Variants in APCDD1 observed in about 807,000 individuals in gnomAD.
APCDD1 encodes the protein protein APCDD1.
In APCDD1, 15 loss-of-function variants were observed where a neutral mutation model predicts 38.1. The ratio of observed to expected loss-of-function variants is 0.39; its 90% CI spans 0.26 to 0.61. The LOEUF (loss-of-function observed/expected upper bound fraction) is 0.61. Ranked by LOEUF, APCDD1 falls within the 20% of genes least tolerant of loss-of-function variation. The pLI, the probability that APCDD1 is intolerant of heterozygous loss-of-function variation, is 0.49. For synonymous variants in APCDD1, 261 were observed against 279.7 expected, an observed-to-expected ratio of 0.93 and a Z score of 0.67; for missense variants, 647 against 696.2, an observed-to-expected ratio of 0.93 and a Z score of 0.79.
Position 10,471,432 on chromosome 18 carries a change from A to T in APCDD1, c.243-98A>T. ...CAACAGAGTCTGGCCCATCGTCAGC[A>T]CTTTATTATTATTTCTGTAATTTCT... is the stretch of plus-strand genomic sequence containing the variant. On this transcript the variant is annotated intron_variant, in intron 2 of 4. Coordinates refer to ENST00000355285, the MANE Select transcript of APCDD1 (RefSeq NM_153000.5). This position sits in a 1 kb window ranked among gnomAD's most constrained non-coding sequence, Gnocchi z 5.5. 6.7e-7 allele frequency: 1 copy of T among 1,495,614 alleles called. No homozygotes were observed. Among genetic ancestry groups the T allele is most frequent in the Non-Finnish European group, 9.2e-7 (1 of 1,087,060 alleles). 92.6% of individuals were successfully genotyped at this position (1,495,614 alleles called of 1,614,324 possible).
chr18:10,458,820 A>G (rs759125773), intron 1 of APCDD1, among the ~76,000 whole-genome samples: 40 of 152,330 alleles, frequency 2.6e-4, no homozygotes, highest in Non-Finnish European at 5.3e-4. Context: ...ACAGCAAGGC[A>G]TGTCTTCAGT....
intron 3 of APCDD1, among the ~76,000 whole-genome samples, chr18:10,474,502 T>C (rs2030944385): frequency 1.3e-5 from 2 of 152,206 alleles, no homozygotes; most frequent in Admixed American, 1.3e-4. Context: ...TGGGCGGGCG[T>C]GGGCCGGGCT....
Position 10,472,201 on chromosome 18 carries a change from G to A in APCDD1, c.774+140G>A, listed in dbSNP as rs942055422. 24 of 1,203,912 alleles carry A rather than the reference G, an allele frequency of 2.0e-5. No homozygotes were observed. The highest frequency in any genetic ancestry group is 1.7e-4 in the East Asian group (7 of 40,688). 74.6% of individuals were successfully genotyped at this position (1,203,912 alleles called of 1,614,324 possible). On this transcript the variant is annotated intron_variant, in intron 3 of 4. Coordinates refer to ENST00000355285, the MANE Select transcript of APCDD1 (RefSeq NM_153000.5). This position sits in a 1 kb window ranked among gnomAD's most constrained non-coding sequence, Gnocchi z 6.6. ...GGGCAGGCCAAGGTGGGGCTGCTGC[G>A]AGGTGGGAGGAGATGGGAAAGGCTG...
At chr18:10,479,491 G>C (rs753851195) in intron 3 of APCDD1, among the ~76,000 whole-genome samples, 78 of 152,212 alleles carry the variant, frequency 5.1e-4, no homozygotes, top group Admixed American at 3.4e-3. Flanking sequence ...AACAGTGGCA[G>C]GGAACAGAGA....
At chr18:10,478,937 T>A (rs1046155627) in intron 3 of APCDD1, among the ~76,000 whole-genome samples, 3 of 152,206 alleles carry the variant, frequency 2.0e-5, no homozygotes, top group Non-Finnish European at 2.9e-5. Context: ...TCATTTGTGA[T>A]GAATGCTAGC....
chr18:10,489,438 C>A lies in APCDD1; in HGVS notation c.*1400C>A, dbSNP rs75620328. ...AACTTTGGCCAGGTGTGATGGCTCA[C>A]GCCGTAACCCCAGCACTTTGGGAGA... On this transcript the variant is annotated 3_prime_UTR_variant, in exon 5 of 5. Coordinates refer to ENST00000355285, the MANE Select transcript of APCDD1 (RefSeq NM_153000.5). 0.044 allele frequency: 6,663 copies of A among 152,284 alleles called. 241 individuals carry two copies. Among genetic ancestry groups the A allele is most frequent in the Non-Finnish European group, 0.066 (4,477 of 68,076 alleles). The allele number at this position is 152,284 out of a possible 1,614,324, so 9.4% of individuals were successfully genotyped here.
At position 10,470,099 on chromosome 18, in the gene APCDD1, C is replaced by T. The variant is rs185935716; in HGVS notation, c.243-1431C>T. On this transcript the variant is annotated intron_variant, in intron 2 of 4. Transcript: ENST00000355285. This position sits in a 1 kb window ranked among gnomAD's most constrained non-coding sequence, Gnocchi z 4.1. ...GATTTGGGGGTGACCAGTTAAAAGA[C>T]CTTTGCAGCCGTTCTGGTTAGAGAG... Among the ~76,000 whole-genome samples the T allele has an allele frequency of 2.4e-4, 36 of 152,306 alleles. No homozygotes were observed. Among genetic ancestry groups the T allele is most frequent in the Admixed American group, 1.5e-3 (23 of 15,300 alleles).
chr18:10,468,978 GT>G (rs1172896870), intron 2 of APCDD1, among the ~76,000 whole-genome samples: 1 of 152,214 alleles, frequency 6.6e-6, no homozygotes, highest in Non-Finnish European at 1.5e-5. Context: ...AAGAGACTGT[GT>G]TTCACCAAGC....
At chr18:10,486,565 C>T (rs960298996) in intron 4 of APCDD1, among the ~76,000 whole-genome samples, 3 of 152,152 alleles carry the variant, frequency 2.0e-5, no homozygotes, top group African/African-American at 7.2e-5. Flanking sequence ...AGGTTGTCAC[C>T]TGCTTGGAGG....
intron 3 of APCDD1, among the ~76,000 whole-genome samples, chr18:10,473,595 C>G (rs760426660): frequency 1.3e-5 from 2 of 152,148 alleles, no homozygotes; most frequent in Non-Finnish European, 2.9e-5. Context: ...GAAAGGAGAC[C>G]AAAACTCTGC....
chr18:10,472,145 C>A lies in APCDD1; in HGVS notation c.774+84C>A, dbSNP rs1166153532. 3.7e-5 allele frequency: 59 copies of A among 1,576,710 alleles called. No individual in the cohort carries two copies. The highest frequency in any genetic ancestry group is 5.0e-5 in the Non-Finnish European group (58 of 1,152,826). ...GGCTTGCCATGGGGGCTCTAGGGCA[C>A]CCTTGAAAGGGGGAATTCTGCATCA... On this transcript the variant is annotated intron_variant, in intron 3 of 4. Coordinates refer to ENST00000355285, the MANE Select transcript of APCDD1 (RefSeq NM_153000.5). This position sits in a 1 kb window ranked among gnomAD's most constrained non-coding sequence, Gnocchi z 6.6.
rs1422254079 is a variant in APCDD1, at chr18:10,467,143, A to G, written c.59-1326A>G. Among the ~76,000 whole-genome samples, 1 of 152,232 alleles carries G rather than the reference A, an allele frequency of 6.6e-6. No homozygotes were observed. The highest frequency in any genetic ancestry group is 1.5e-5 in the Non-Finnish European group (1 of 68,048). On this transcript the variant is annotated intron_variant, in intron 1 of 4. Coordinates refer to ENST00000355285, the MANE Select transcript of APCDD1 (RefSeq NM_153000.5). The surrounding 1 kb of genome is among the most constrained non-coding windows in gnomAD (Gnocchi z 4.8). ...GATGGTAAATATCTGAATATTTAAC[A>G]GATATCTGAAGTTACCATCCTGCAG... is the stretch of plus-strand genomic sequence containing the variant.
chr18:10,473,066 A>G (rs2030902690), intron 3 of APCDD1, among the ~76,000 whole-genome samples: 1 of 152,148 alleles, frequency 6.6e-6, no homozygotes, highest in Non-Finnish European at 1.5e-5. Context: ...TGGCTCTGTA[A>G]CTGTGGAGCC....
chr18:10,462,900 T>C (rs1039588868), intron 1 of APCDD1, among the ~76,000 whole-genome samples: 111 of 142,890 alleles, frequency 7.8e-4, no homozygotes, highest in African/African-American at 3.2e-3. Context: ...GCTTTCAATC[T>C]GTCCCCCATG....
intron 3 of APCDD1, chr18:10,474,181 C>G (rs2030934613): frequency 6.6e-6 from 1 of 152,284 alleles, no homozygotes. Flanking sequence ...GCCTTGGCCT[C>G]CCAAAGTGCT....
chr18:10,475,554 G>A lies in APCDD1; in HGVS notation c.774+3493G>A, dbSNP rs2030970509. Reference sequence around the variant, plus strand: ...AATGACTGCCTCAGAGGAAGTGACAGAGTTGTCTATCTGGGATTGTCGGAC... The same window carrying A: ...AATGACTGCCTCAGAGGAAGTGACAAAGTTGTCTATCTGGGATTGTCGGAC... On this transcript the variant is annotated intron_variant, in intron 3 of 4. Coordinates refer to ENST00000355285, the MANE Select transcript of APCDD1 (RefSeq NM_153000.5). The surrounding 1 kb of genome is among the most constrained non-coding windows in gnomAD (Gnocchi z 4.0). 6.6e-6 allele frequency among the ~76,000 whole-genome samples: 1 copy of A among 152,182 alleles called. No homozygotes were observed. Among genetic ancestry groups the A allele is most frequent in the Admixed American group, 6.5e-5 (1 of 15,290 alleles).
In APCDD1 at chr18:10,454,657, G is replaced by A; in HGVS notation, c.-325G>A. ...TATGAAGAGACGCTGCAGCTGCGGT[G>A]GCGGTGGCGGCCACTGCAGCTCAGA... On this transcript the variant is annotated 5_prime_UTR_variant, in exon 1 of 5. Coordinates refer to ENST00000355285, the MANE Select transcript of APCDD1 (RefSeq NM_153000.5). 9.6e-7 allele frequency: 1 copy of A among 1,036,294 alleles called. No homozygotes were observed. Among genetic ancestry groups the A allele is most frequent in the Non-Finnish European group, 1.2e-6 (1 of 864,416 alleles). The allele number at this position is 1,036,294 out of a possible 1,614,324, so 64.2% of individuals were successfully genotyped here. A position where few individuals can be genotyped will look rare whatever the true frequency, so the allele number is the denominator to read the frequency against.
rs2030972729 is a variant in APCDD1 at position 10,475,655 on chromosome 18, T to G, written c.774+3594T>G. On this transcript the variant is annotated intron_variant, in intron 3 of 4. Coordinates refer to ENST00000355285, the MANE Select transcript of APCDD1 (RefSeq NM_153000.5). The surrounding 1 kb of genome is among the most constrained non-coding windows in gnomAD (Gnocchi z 4.0). The stretch of plus-strand genomic sequence containing the variant: ...ACCTAAGCACAGTCATCACAGAAAA[T>G]TTAGATTAAAAAAAAAAAAAAGCAA... 7.8e-6 allele frequency among the ~76,000 whole-genome samples: 1 copy of G among 127,602 alleles called. No individual in the cohort carries two copies. Among genetic ancestry groups the G allele is most frequent in the East Asian group, 2.4e-4 (1 of 4,178 alleles). The allele number at this position is 127,602 out of a possible 152,430, so 83.7% of individuals were successfully genotyped here.
At chr18:10,483,013 T>C (rs548767573) in intron 3 of APCDD1, among the ~76,000 whole-genome samples, 24 of 152,364 alleles carry the variant, frequency 1.6e-4, no homozygotes, top group Non-Finnish European at 3.4e-4. Flanking sequence ...GTGGGTGCAC[T>C]GAGTGGGAAC....
Sources: allele counts gnomAD v4.1 joint callset (sites outside exome capture counted in the v4.1 genomes callset), GRCh38; gene constraint gnomAD v4.1.1; non-coding constraint Gnocchi (gnomAD v3.1); transcripts MANE v1.5; gene names NCBI Gene and HGNC (gene_info 2026-07-23, HGNC 2026-07-21).